Variants in GLDC observed in about 807,000 individuals in gnomAD.
GLDC encodes glycine decarboxylase, also known as glycine dehydrogenase (decarboxylating), mitochondrial.
In GLDC, 104 loss-of-function variants were observed where a neutral mutation model predicts 121.3. The ratio of observed to expected loss-of-function variants is 0.86; its 90% CI spans 0.73 to 1.01. The LOEUF (loss-of-function observed/expected upper bound fraction) is 1.01. Among genes scored for constraint, GLDC ranks in the 50% least tolerant of loss-of-function variants. The probability of loss-of-function intolerance (pLI) is 0.00; values close to 1 mark genes in which losing one functional copy is unlikely to be tolerated. For missense variants in GLDC, 1,429 were observed against 1,306.6 expected, an observed-to-expected ratio of 1.09 and a Z score of -1.44; for synonymous variants, 546 against 480.6, an observed-to-expected ratio of 1.14 and a Z score of -1.78.
At chr9:6,555,285 C>G (rs988798434) in intron 18 of GLDC, among the ~76,000 whole-genome samples, 1 of 152,178 alleles carries the variant, frequency 6.6e-6, no homozygotes, top group Non-Finnish European at 1.5e-5. Flanking sequence ...AGGCAAGGCT[C>G]GCAGTCTTCC....
chr9:6,593,008 T>C lies in GLDC; in HGVS notation c.1262-18A>G. On this transcript the variant is annotated intron_variant, in intron 9 of 24. Coordinates refer to ENST00000321612, the MANE Select transcript of GLDC (RefSeq NM_000170.3). ...CTTGAGACCTACACAAGATAGGAGA[T>C]CCCCCAAACTCTCATATAGAAACCT... 1 of 1,613,570 alleles carries C rather than the reference T, an allele frequency of 6.2e-7. No individual in the cohort carries two copies. Among genetic ancestry groups the C allele is most frequent in the Non-Finnish European group, 8.5e-7 (1 of 1,179,534 alleles).
At chr9:6,639,668 A>AAAAAATATATAT in intron 2 of GLDC, 40 of 250,516 alleles carry the variant, frequency 1.6e-4, no homozygotes, top group Middle Eastern at 1.2e-3. Flanking sequence ...ATAAAAAAAA[A>AAAAAATATATAT]GTATATATAT....
At chr9:6,534,600 G>A in intron 24 of GLDC, 108 bp downstream of exon 24, 5 of 708,954 alleles carry the variant, frequency 7.1e-6, no homozygotes, top group South Asian at 4.5e-5. Flanking sequence ...ATTTCACAAG[G>A]TGCCCCACAT....
intron 6 of GLDC, 97 bp downstream of exon 6, chr9:6,605,034 G>A (rs1464213456): frequency 1.8e-5 from 22 of 1,221,288 alleles, no homozygotes; most frequent in Non-Finnish European, 2.1e-5. Context: ...TAATGGTAAA[G>A]AAATTAAGGC....
chr9:6,638,688 C>T (rs1182627152), intron 2 of GLDC, among the ~76,000 whole-genome samples: 1 of 152,044 alleles, frequency 6.6e-6, no homozygotes, highest in African/African-American at 2.4e-5. Flanking sequence ...AGATGTAAGC[C>T]CCTTGGAGAT....
At chr9:6,544,696 G>A (rs556934782) in intron 21 of GLDC, among the ~76,000 whole-genome samples, 20 of 149,048 alleles carry the variant, frequency 1.3e-4, no homozygotes, top group East Asian at 1.0e-3. Flanking sequence ...TAAAGAAAAC[G>A]TTGGGATACT....
chr9:6,547,632 G>A (rs1174315096), intron 21 of GLDC, among the ~76,000 whole-genome samples: 2 of 151,884 alleles, frequency 1.3e-5, no homozygotes, highest in East Asian at 1.9e-4. Flanking sequence ...CTCTCCTAAG[G>A]AAATTATCAG....
chr9:6,553,341 A>T, intron 20 of GLDC, 27 bp downstream of exon 20: 1 of 1,612,062 alleles, frequency 6.2e-7, no homozygotes, highest in Non-Finnish European at 8.5e-7. Flanking sequence ...ACCCACCTGC[A>T]CACCTGCACA....
chr9:6,579,118 T>C (rs1818127875), intron 15 of GLDC, among the ~76,000 whole-genome samples: 1 of 152,192 alleles, frequency 6.6e-6, no homozygotes, highest in Non-Finnish European at 1.5e-5. Flanking sequence ...GGGTATGTTC[T>C]TTCTCATTTC....
At chr9:6,577,905 T>C (rs1818102558) in intron 15 of GLDC, among the ~76,000 whole-genome samples, 1 of 151,762 alleles carries the variant, frequency 6.6e-6, no homozygotes, top group Non-Finnish European at 1.5e-5. Flanking sequence ...GGGTGGAAGA[T>C]TAAGTTGGTT....
intron 15 of GLDC, among the ~76,000 whole-genome samples, chr9:6,576,689 A>G (rs530212567): frequency 1.3e-5 from 2 of 150,430 alleles, no homozygotes; most frequent in East Asian, 3.9e-4. Flanking sequence ...CTGGTCTCAA[A>G]CTCCTGATCT....
At chr9:6,626,731 G>C (rs1029404276) in intron 2 of GLDC, among the ~76,000 whole-genome samples, 1 of 152,162 alleles carries the variant, frequency 6.6e-6, no homozygotes, top group South Asian at 2.1e-4. Flanking sequence ...GTGTCCAGGA[G>C]GTAATAGGTA....
At chr9:6,550,489 T>G (rs12347488) in intron 21 of GLDC, among the ~76,000 whole-genome samples, 1 of 151,854 alleles carries the variant, frequency 6.6e-6, no homozygotes, top group Non-Finnish European at 1.5e-5. Context: ...TAGCCGGGCA[T>G]GGTGGTGCAC....
chr9:6,551,632 A>T (rs1161575766), intron 20 of GLDC, among the ~76,000 whole-genome samples: 1 of 152,206 alleles, frequency 6.6e-6, no homozygotes, highest in Non-Finnish European at 1.5e-5. Flanking sequence ...AAGGGGCCAC[A>T]TTGCTCCAGG....
chr9:6,608,701 A>C (rs917367326), intron 4 of GLDC, among the ~76,000 whole-genome samples: 3 of 152,224 alleles, frequency 2.0e-5, no homozygotes, highest in South Asian at 4.1e-4. Context: ...AGCAGAGATC[A>C]CGCCACTGTA....
rs375986516 is a variant in GLDC at position 6,587,108 on chromosome 9, T to C, written c.1850+33A>G. 249 of 1,586,542 alleles carry C rather than the reference T, an allele frequency of 1.6e-4. 1 individual carries two copies. The highest frequency in any genetic ancestry group is 2.1e-4 in the Non-Finnish European group (239 of 1,156,538). On this transcript the variant is annotated intron_variant, in intron 15 of 24. Coordinates refer to ENST00000321612, the MANE Select transcript of GLDC (RefSeq NM_000170.3). ...GTGGTGTATGCTATACAAGAATAGATTGCTGAAACAATAAGAAAAGAAATG... is the reference window on the plus strand; with the variant it reads ...GTGGTGTATGCTATACAAGAATAGACTGCTGAAACAATAAGAAAAGAAATG...
At chr9:6,627,858 TG>T (rs1295417186) in intron 2 of GLDC, among the ~76,000 whole-genome samples, 1 of 152,218 alleles carries the variant, frequency 6.6e-6, no homozygotes, top group Non-Finnish European at 1.5e-5. Context: ...TTGTTTCAAA[TG>T]TTTGTTCACT....
rs1817440506 is a variant in GLDC at position 6,548,363 on chromosome 9, G to A, written c.2569+2440C>T. Among the ~76,000 whole-genome samples the A allele has an allele frequency of 2.3e-4, 14 of 61,602 alleles. No homozygotes were observed. In the South Asian group the frequency reaches 8.6e-3, roughly 38 times the overall value. The allele number at this position is 61,602 out of a possible 152,430, so 40.4% of individuals were successfully genotyped here. A position where few individuals can be genotyped will look rare whatever the true frequency, so the allele number is the denominator to read the frequency against. ...ATACACAAGCAGGATACATTTCACA[G>A]AGCAGGAGCTAAGCTAGATTTGAAT... On this transcript the variant is annotated intron_variant, in intron 21 of 24. Coordinates refer to ENST00000321612, the MANE Select transcript of GLDC (RefSeq NM_000170.3).
chr9:6,629,929 C>A (rs1052334792), intron 2 of GLDC, among the ~76,000 whole-genome samples: 1 of 102,162 alleles, frequency 9.8e-6, no homozygotes, highest in Non-Finnish European at 1.8e-5. Context: ...TTGCTTTTCA[C>A]TATATATATA....
Sources: allele counts gnomAD v4.1 joint callset (sites outside exome capture counted in the v4.1 genomes callset), GRCh38; gene constraint gnomAD v4.1.1; transcripts MANE v1.5; gene names NCBI Gene and HGNC (gene_info 2026-07-23, HGNC 2026-07-21).